The following CENPF variants were observed in gnomAD, a reference collection of about 807,000 sequenced individuals.
CENPF encodes AH antigen.
A neutral mutation model predicts 307.3 loss-of-function variants in CENPF; 214 were observed. The ratio of observed to expected loss-of-function variants is 0.70; its 90% CI spans 0.62 to 0.78. The LOEUF (loss-of-function observed/expected upper bound fraction) is 0.78, where lower values mean the gene tolerates loss of function less well. Ranked by LOEUF, CENPF falls within the 30% of genes least tolerant of loss-of-function variation. The pLI, the probability that CENPF is intolerant of heterozygous loss-of-function variation, is 0.00. For missense variants in CENPF, 3,401 were observed against 3,483.9 expected, an observed-to-expected ratio of 0.98 and a Z score of 0.60; for synonymous variants, 1,259 against 1,270.6, an observed-to-expected ratio of 0.99 and a Z score of 0.19.
intron 17 of CENPF, 85 bp from the exon 18 acceptor site, chr1:214,656,848 C>T (rs772694240): frequency 2.5e-4 from 221 of 897,698 alleles, no homozygotes; most frequent in Non-Finnish European, 3.2e-4. Flanking sequence ...AGAAAGAACA[C>T]GTCTAAGATT....
chr1:214,650,533 CAGAG>C (rs1342640036), intron 14 of CENPF, among the ~76,000 whole-genome samples: 3 of 152,064 alleles, frequency 2.0e-5, no homozygotes, highest in East Asian at 3.9e-4. Flanking sequence ...GCAAAGAAGA[CAGAG>C]AGAAGGCTTG....
intron 5 of CENPF, among the ~76,000 whole-genome samples, chr1:214,619,841 A>G (rs1052659754): frequency 8.5e-5 from 13 of 152,290 alleles, no homozygotes; most frequent in Admixed American, 8.5e-4. Context: ...TTTTGATGTC[A>G]TTAGGATTCT....
intron 1 of CENPF, chr1:214,605,911 G>A (rs1362159457): frequency 1.3e-6 from 2 of 1,597,318 alleles, no homozygotes; most frequent in African/African-American, 1.3e-5. Flanking sequence ...TAGGGAAGGC[G>A]TCGAAGCAGT....
chr1:214,622,356 A>G (rs1657531982), intron 7 of CENPF, 75 bp downstream of exon 7: 5 of 1,206,640 alleles, frequency 4.1e-6, no homozygotes, highest in Admixed American at 4.5e-5. Flanking sequence ...TATTTTATAC[A>G]TAAGTTTATG....
chr1:214,646,006 G>C lies in CENPF; in HGVS notation c.6436G>C (p.Glu2146Gln). 6.2e-7 allele frequency: 1 copy of C among 1,614,058 alleles called. No homozygotes were observed. The highest frequency in any genetic ancestry group is 8.5e-7 in the Non-Finnish European group (1 of 1,180,020). The change falls in exon 13 of 20, where the codon GAG (glutamate) becomes CAG (glutamine). Residue 2146 changes from glutamate (E) to glutamine (Q), a missense_variant. By Grantham distance (29) the Glu-to-Gln change is conservative. Coordinates refer to ENST00000366955, the MANE Select transcript of CENPF (RefSeq NM_016343.4). Reference protein sequence around the residue: ...LHIAEKLKERERENDSLKDKV... With the variant: ...LHIAEKLKERQRENDSLKDKV... ...CATCGCAGAGAAACTGAAAGAACGC[G>C]AGCGGGAGAATGATTCACTTAAGGA...
chr1:214,646,273 T>G lies in CENPF; in HGVS notation c.6703T>G (p.Ser2235Ala). The change falls in exon 13 of 20, where the codon TCA (serine) becomes GCA (alanine). Residue 2235 changes from serine to alanine, a missense_variant. By Grantham distance (99) the Ser-to-Ala change is moderately conservative. Coordinates refer to ENST00000366955, the MANE Select transcript of CENPF (RefSeq NM_016343.4). ...QLSELDKLLSSFKSLLEEKEQ... is the reference protein window; with the variant it reads ...QLSELDKLLSAFKSLLEEKEQ... ...GTCAGAACTAGACAAGTTACTCTCT[T>G]CATTTAAAAGTCTGTTAGAAGAAAA... is the stretch of plus-strand genomic sequence containing the variant. The G allele has an allele frequency of 6.2e-7, 1 of 1,614,076 alleles. No individual in the cohort carries two copies. Among genetic ancestry groups the G allele is most frequent in the Non-Finnish European group, 8.5e-7 (1 of 1,180,016 alleles).
Position 214,641,631 on chromosome 1 carries a change from A to G in CENPF, c.3293A>G (p.Asn1098Ser), listed in dbSNP as rs762843858. The change falls in exon 12 of 20, where the codon AAT becomes AGT. Residue 1098 changes from asparagine to serine, a missense_variant. Coordinates refer to ENST00000366955, the MANE Select transcript of CENPF (RefSeq NM_016343.4). ...GCATTTGCTGAAGAAAGAAATCAGAATCTGATGCTAGAGTTGGAGACAGTG... is the reference window on the plus strand; with the variant it reads ...GCATTTGCTGAAGAAAGAAATCAGAGTCTGATGCTAGAGTTGGAGACAGTG... ...KLAFAEERNQNLMLELETVQQ... is the reference protein window; with the variant it reads ...KLAFAEERNQSLMLELETVQQ... 1 of 1,565,700 alleles carries G rather than the reference A, an allele frequency of 6.4e-7. No homozygotes were observed. Among genetic ancestry groups the G allele is most frequent in the Admixed American group, 2.1e-5 (1 of 47,690 alleles).
rs1658470666 is a variant in CENPF, at chr1:214,651,851, A to G, written c.8125A>G (p.Lys2709Glu). The G allele has an allele frequency of 6.2e-7, 1 of 1,610,244 alleles. No homozygotes were observed. The highest frequency in any genetic ancestry group is 1.1e-5 in the South Asian group (1 of 89,922). Residue 2709 changes from lysine to glutamate, a missense_variant, in exon 15 of 20, where the codon AAA becomes GAA. Lys to Glu is a moderately conservative substitution (Grantham distance 56, BLOSUM62 1). Coordinates refer to ENST00000366955, the MANE Select transcript of CENPF (RefSeq NM_016343.4). ...YQLRLHEAEKKHQALLLDTNK... is the reference protein window; with the variant it reads ...YQLRLHEAEKEHQALLLDTNK... Reference sequence around the variant, plus strand: ...GCTACGGCTTCATGAAGCTGAAAAGAAACACCAGGCTTTGCTTTTGGACAC... The same window carrying G: ...GCTACGGCTTCATGAAGCTGAAAAGGAACACCAGGCTTTGCTTTTGGACAC...
Position 214,618,578 on chromosome 1 carries a change from A to T in CENPF, c.365A>T (p.Lys122Ile). The T allele has an allele frequency of 6.2e-7, 1 of 1,613,910 alleles. No individual in the cohort carries two copies. The highest frequency in any genetic ancestry group is 2.2e-5 in the East Asian group (1 of 44,868). The change falls in exon 4 of 20, where the codon AAA becomes ATA. Residue 122 changes from lysine to isoleucine, a missense_variant. Coordinates refer to ENST00000366955, the MANE Select transcript of CENPF (RefSeq NM_016343.4). ...EKLEQELKRC[K>I]SELERSQQAA... The stretch of plus-strand genomic sequence containing the variant: ...CTTGGGTCCTTTTCTAACAGGTGTA[A>T]ATCTGAGCTTGAAAGAAGCCAACAA...
intron 3 of CENPF, among the ~76,000 whole-genome samples, chr1:214,616,013 T>G (rs1363611996): frequency 1.3e-5 from 2 of 152,116 alleles, no homozygotes; most frequent in African/African-American, 4.8e-5. Context: ...TTGCAGAAAC[T>G]TATTTTTTCC....
At position 214,646,663 on chromosome 1, in the gene CENPF, G is replaced by A; in HGVS notation, c.7093G>A (p.Glu2365Lys). 1 of 1,614,032 alleles carries A rather than the reference G, an allele frequency of 6.2e-7. No individual in the cohort carries two copies. The highest frequency in any genetic ancestry group is 8.5e-7 in the Non-Finnish European group (1 of 1,180,008). ...TCTTGAGGCAGAGAATTCCAAAGGAGAGGTAGAGACCCTAAAAGCAAAAAT... is the reference window on the plus strand; with the variant it reads ...TCTTGAGGCAGAGAATTCCAAAGGAAAGGTAGAGACCCTAAAAGCAAAAAT... ...AALEAENSKG[E>K]VETLKAKIEG... Residue 2365 changes from glutamate to lysine, a missense_variant, in exon 13 of 20, where the codon GAG (glutamate) becomes AAG (lysine). Transcript: ENST00000366955.
chr1:214,630,469 G>A, intron 8 of CENPF, 65 bp from the exon 9 acceptor site: 1 of 1,594,854 alleles, frequency 6.3e-7, no homozygotes, highest in South Asian at 1.1e-5. Context: ...GGATGCTCAT[G>A]CCTCACCCTG....
At chr1:214,647,497 G>A (rs957407308) in intron 13 of CENPF, 97 bp downstream of exon 13, 12 of 1,364,536 alleles carry the variant, frequency 8.8e-6, no homozygotes, top group South Asian at 3.1e-5. Context: ...CTTCTAGACC[G>A]TGTCTGCTAT....
chr1:214,661,069 A>G (rs936168065), intron 19 of CENPF, among the ~76,000 whole-genome samples: 3 of 152,206 alleles, frequency 2.0e-5, no homozygotes, highest in Non-Finnish European at 4.4e-5. Flanking sequence ...CTTACTATCT[A>G]GGAAAAAGAG....
At chr1:214,647,506 A>G (rs978963868) in intron 13 of CENPF, 106 bp downstream of exon 13, 27 of 1,283,752 alleles carry the variant, frequency 2.1e-5, no homozygotes, top group Admixed American at 1.4e-4. Flanking sequence ...CGTGTCTGCT[A>G]TATTGGACCA....
intron 7 of CENPF, among the ~76,000 whole-genome samples, chr1:214,622,892 A>T (rs1401051369): frequency 6.6e-6 from 1 of 151,220 alleles, no homozygotes; most frequent in Admixed American, 6.6e-5. Flanking sequence ...GGATTCAACC[A>T]ACTATGGATC....
At chr1:214,654,408 TAA>T (rs1164986014) in intron 16 of CENPF, 11 of 142,744 alleles carry the variant, frequency 7.7e-5, no homozygotes, top group Non-Finnish European at 9.2e-5. Flanking sequence ...CCTCATCTCT[TAA>T]AAAAAAAAAA....
At chr1:214,631,010 A>G (rs76649870) in intron 9 of CENPF, among the ~76,000 whole-genome samples, 4,528 of 152,256 alleles carry the variant, frequency 0.03, 98 homozygotes, top group Middle Eastern at 0.088. Context: ...ACTCACTCCC[A>G]AAGTGGTCTC....
chr1:214,634,023 G>A (rs1657882132), intron 10 of CENPF, among the ~76,000 whole-genome samples: 1 of 152,158 alleles, frequency 6.6e-6, no homozygotes, highest in Admixed American at 6.5e-5. Context: ...TGCTTGCTTG[G>A]CCAAGTCGCA....
Sources: gnomAD v4.1 joint callset for allele counts (sites outside exome capture counted in the v4.1 genomes callset) on GRCh38, gnomAD v4.1.1 for gene constraint, MANE v1.5 for transcripts, NCBI Gene and HGNC (gene_info 2026-07-23, HGNC 2026-07-21) for gene names.